The following MSH3 variants were observed in gnomAD, a reference collection of about 807,000 sequenced individuals.
MSH3 encodes DNA mismatch repair protein Msh3.
MSH3 carries 106 observed loss-of-function variants against 123.3 expected under a neutral mutation model. That is an observed-to-expected ratio of 0.86 (90% CI 0.73 to 1.01). The LOEUF (loss-of-function observed/expected upper bound fraction) is 1.01. MSH3 is among the 50% of genes least tolerant of loss of function. The pLI, the probability that MSH3 is intolerant of heterozygous loss-of-function variation, is 0.00. For missense variants in MSH3, 1,459 were observed against 1,347.6 expected (o/e 1.08, Z -1.29); for synonymous variants, 515 against 481.4 (o/e 1.07, Z -0.91).
chr5:80,821,169 C>T (rs774109363), intron 20 of MSH3, among the ~76,000 whole-genome samples: 4 of 152,176 alleles, frequency 2.6e-5, no homozygotes, highest in East Asian at 1.9e-4. Context: ...GACACTTTGA[C>T]CATTTCATTC....
chr5:80,662,977 G>C (rs1749473706), intron 2 of MSH3, among the ~76,000 whole-genome samples: 1 of 152,128 alleles, frequency 6.6e-6, no homozygotes, highest in Admixed American at 6.5e-5. Flanking sequence ...GCTCACATCT[G>C]TATTCCTAAC....
At chr5:80,797,785 G>A (rs1486026955) in intron 19 of MSH3, among the ~76,000 whole-genome samples, 2 of 152,170 alleles carry the variant, frequency 1.3e-5, no homozygotes, top group Non-Finnish European at 2.9e-5. Flanking sequence ...CAAGGAGGCT[G>A]GCCCAGGGAC....
chr5:80,666,738 C>A (rs933295760), intron 3 of MSH3, among the ~76,000 whole-genome samples: 1 of 152,156 alleles, frequency 6.6e-6, no homozygotes, highest in Non-Finnish European at 1.5e-5. Context: ...AGGTGATAAG[C>A]TGTTTGATGG....
At chr5:80,850,227 C>G (rs1010589739) in intron 20 of MSH3, among the ~76,000 whole-genome samples, 1 of 152,184 alleles carries the variant, frequency 6.6e-6, no homozygotes, top group African/African-American at 2.4e-5. Flanking sequence ...TTTGTCAAAG[C>G]CATTCAACAT....
chr5:80,795,074 G>C (rs1011963415), intron 19 of MSH3, among the ~76,000 whole-genome samples: 1 of 152,200 alleles, frequency 6.6e-6, no homozygotes, highest in Non-Finnish European at 1.5e-5. Context: ...ATGTAGGGGA[G>C]CATTTGGAAT....
chr5:80,773,446 TATAA>T (rs563029210), intron 15 of MSH3, among the ~76,000 whole-genome samples: 4 of 152,224 alleles, frequency 2.6e-5, no homozygotes, highest in Non-Finnish European at 5.9e-5. Context: ...AGTAATTCTC[TATAA>T]ATGAGGGCAT....
intron 8 of MSH3, among the ~76,000 whole-genome samples, chr5:80,685,923 G>A (rs553433603): frequency 6.6e-6 from 1 of 152,146 alleles, no homozygotes; most frequent in East Asian, 1.9e-4. Context: ...CCATTCAGGA[G>A]CATATTGTTT....
intron 6 of MSH3, among the ~76,000 whole-genome samples, chr5:80,674,299 AT>A (rs66514560): frequency 0.076 from 11,556 of 152,210 alleles, 479 homozygotes; most frequent in Non-Finnish European, 0.092. Context: ...TAATGGACTC[AT>A]TTTATACACA....
chr5:80,834,163 T>C lies in MSH3; in HGVS notation c.2814-19967T>C, dbSNP rs1025368538. ...CGTACCATCAGGTGCTATGGAAAAA[T>C]AGAATTGTAATAGAAAATGTGTTGG... On this transcript the variant is annotated intron_variant, in intron 20 of 23. Coordinates refer to ENST00000265081, the MANE Select transcript of MSH3 (RefSeq NM_002439.5). Among the ~76,000 whole-genome samples the C allele has an allele frequency of 2.6e-5, 4 of 152,128 alleles. No individual in the cohort carries two copies. In the East Asian group the frequency reaches 7.7e-4, roughly 29 times the overall value.
chr5:80,842,772 T>C (rs185676883), intron 20 of MSH3, among the ~76,000 whole-genome samples: 1 of 152,358 alleles, frequency 6.6e-6, no homozygotes, highest in African/African-American at 2.4e-5. Context: ...GAGACTTTGC[T>C]GAAGTTGCTT....
At chr5:80,660,813 A>G (rs1201201320) in intron 2 of MSH3, among the ~76,000 whole-genome samples, 1 of 151,944 alleles carries the variant, frequency 6.6e-6, no homozygotes, top group Non-Finnish European at 1.5e-5. Flanking sequence ...TTTCCCCCAC[A>G]CCCGAGACAG....
chr5:80,823,621 A>T (rs958997752), intron 20 of MSH3, among the ~76,000 whole-genome samples: 13 of 151,106 alleles, frequency 8.6e-5, no homozygotes, highest in Non-Finnish European at 5.9e-5. Context: ...TGCACATTAA[A>T]TTTTTTTTTT....
chr5:80,813,729 G>A lies in MSH3; in HGVS notation c.2801G>A (p.Gly934Asp), dbSNP rs757908059. 1 of 1,614,098 alleles carries A rather than the reference G, an allele frequency of 6.2e-7. No homozygotes were observed. The highest frequency in any genetic ancestry group is 8.5e-7 in the Non-Finnish European group (1 of 1,179,980). The change falls in exon 20 of 24, where the codon GGC (glycine) becomes GAC (aspartate). Residue 934 changes from glycine (G) to aspartate (D), a missense_variant. Transcript: ENST00000265081. ...GAAGCGACAATTGGGATTGTGGATG[G>A]CATTTTCACAAGGTAAGTACGTTAA... is the stretch of plus-strand genomic sequence containing the variant. Reference protein sequence around the residue: ...AEEATIGIVDGIFTRMGAADN... With the variant: ...AEEATIGIVDDIFTRMGAADN...
intron 8 of MSH3, among the ~76,000 whole-genome samples, chr5:80,698,646 GGAGA>G (rs1750537680): frequency 6.6e-6 from 1 of 151,840 alleles, no homozygotes; most frequent in Non-Finnish European, 1.5e-5. Context: ...GACGTGTTTT[GGAGA>G]GAAAGGGTGT....
At chr5:80,827,160 A>C (rs1353832860) in intron 20 of MSH3, among the ~76,000 whole-genome samples, 1 of 152,242 alleles carries the variant, frequency 6.6e-6, no homozygotes, top group Non-Finnish European at 1.5e-5. Flanking sequence ...AAGTCTCATT[A>C]GAAAACAGTT....
In MSH3 at chr5:80,806,264, A is replaced by G. The variant is rs542080931; in HGVS notation, c.2656-7320A>G. On this transcript the variant is annotated intron_variant, in intron 19 of 23. Coordinates refer to ENST00000265081, the MANE Select transcript of MSH3 (RefSeq NM_002439.5). ...CTGGCATGTGCCACCACACCTGGCT[A>G]ATTTTGTATTTTTGGTAGAGACGGG... Among the ~76,000 whole-genome samples, 7 of 152,146 alleles carry G rather than the reference A, an allele frequency of 4.6e-5. 1 individual carries two copies. The South Asian group carries it at 1.5e-3, about 32-fold the overall frequency.
chr5:80,664,219 G>A (rs1472370117), intron 2 of MSH3, among the ~76,000 whole-genome samples: 1 of 152,206 alleles, frequency 6.6e-6, no homozygotes, highest in African/African-American at 2.4e-5. Flanking sequence ...TATGGGAAAG[G>A]TAGATTTGAG....
chr5:80,800,264 T>C (rs1744769337), intron 19 of MSH3, among the ~76,000 whole-genome samples: 1 of 152,200 alleles, frequency 6.6e-6, no homozygotes, highest in Non-Finnish European at 1.5e-5. Context: ...AATTCATTCA[T>C]CCCCCTTTAG....
chr5:80,798,026 T>C (rs938480113), intron 19 of MSH3, among the ~76,000 whole-genome samples: 2 of 152,220 alleles, frequency 1.3e-5, no homozygotes, highest in East Asian at 3.8e-4. Flanking sequence ...GTAGGGTTTT[T>C]GTTTTTAGTA....
Sources: gnomAD v4.1 joint callset for allele counts (sites outside exome capture counted in the v4.1 genomes callset) on GRCh38, gnomAD v4.1.1 for gene constraint, MANE v1.5 for transcripts, NCBI Gene and HGNC (gene_info 2026-07-23, HGNC 2026-07-21) for gene names.